The following EHMT1 variants were observed in gnomAD, a reference collection of about 807,000 sequenced individuals.
The protein encoded by EHMT1 is histone-lysine N-methyltransferase EHMT1.
A neutral mutation model predicts 147.2 loss-of-function variants in EHMT1; 15 were observed. The ratio of observed to expected loss-of-function variants is 0.10; its 90% confidence interval spans 0.07 to 0.16. EHMT1 has a LOEUF of 0.16. Among genes scored for constraint, EHMT1 ranks in the 10% least tolerant of loss-of-function variants. The pLI is 1.00. For synonymous variants in EHMT1, 795 were observed against 709.6 expected, an observed-to-expected ratio of 1.12 and a Z score of -1.91; for missense variants, 1,587 against 1,772.4, an observed-to-expected ratio of 0.90 and a Z score of 1.88.
intron 1 of EHMT1, among the ~76,000 whole-genome samples, chr9:137,657,129 C>T (rs78898763): frequency 0.023 from 3,444 of 152,216 alleles, 104 homozygotes; most frequent in African/African-American, 0.077. Flanking sequence ...ACAAAACAGA[C>T]GGAACTTGTG....
In EHMT1 at chr9:137,834,383, A is replaced by G; in HGVS notation, c.3575A>G (p.Tyr1192Cys). 1 of 1,613,106 alleles carries G rather than the reference A, an allele frequency of 6.2e-7. No homozygotes were observed. Among genetic ancestry groups the G allele is most frequent in the Non-Finnish European group, 8.5e-7 (1 of 1,179,780 alleles). ...GTTTACTGCATCGACGCGCGGTTCT[A>G]CGGGAACGTCAGCCGGTTCATCAAC... is the stretch of plus-strand genomic sequence containing the variant. ...GEVYCIDARFYGNVSRFINHH... is the reference protein window; with the variant it reads ...GEVYCIDARFCGNVSRFINHH... The change falls in exon 26 of 27, where the codon TAC (tyrosine) becomes TGC (cysteine). Residue 1192 changes from tyrosine (Y) to cysteine (C), a missense_variant. Around this residue, in one of 7 missense-constraint regions of EHMT1, gnomAD observed 156 missense variants for 252.5 expected, o/e 0.62. Coordinates refer to ENST00000460843, the MANE Select transcript of EHMT1 (RefSeq NM_024757.5).
chr9:137,809,209 A>G (rs1954204652), intron 18 of EHMT1, among the ~76,000 whole-genome samples: 1 of 152,210 alleles, frequency 6.6e-6, no homozygotes, highest in Admixed American at 6.5e-5. Context: ...TTGTGGATGA[A>G]GATGCTGGAG....
intron 2 of EHMT1, among the ~76,000 whole-genome samples, chr9:137,714,111 A>C (rs1291509070): frequency 1.3e-5 from 2 of 152,118 alleles, no homozygotes; most frequent in African/African-American, 4.8e-5. Context: ...CTTCCATTCC[A>C]ATCTGCATTC....
At chr9:137,795,347 C>G (rs1952817437) in intron 16 of EHMT1, among the ~76,000 whole-genome samples, 1 of 151,596 alleles carries the variant, frequency 6.6e-6, no homozygotes. Flanking sequence ...CCTGGCAACT[C>G]AGGTCACCTG....
intron 1 of EHMT1, among the ~76,000 whole-genome samples, chr9:137,664,288 C>CTT (rs796427218): frequency 2.8e-5 from 4 of 142,232 alleles, no homozygotes; most frequent in Non-Finnish European, 4.6e-5. Flanking sequence ...TTTAGCCATA[C>CTT]TTTTTTTTTT....
intron 1 of EHMT1, among the ~76,000 whole-genome samples, chr9:137,633,542 T>C (rs1420735447): frequency 6.6e-6 from 1 of 152,206 alleles, no homozygotes; most frequent in East Asian, 1.9e-4. Flanking sequence ...CAGGAGCAGA[T>C]GATTTATTTT....
At chr9:137,669,318 G>A (rs1195651549) in intron 1 of EHMT1, among the ~76,000 whole-genome samples, 1 of 141,948 alleles carries the variant, frequency 7.0e-6, no homozygotes, top group South Asian at 2.3e-4. Flanking sequence ...CCCCTGGAAA[G>A]ACGCCCCCAC....
At chr9:137,755,187 C>T (rs1949287184) in intron 8 of EHMT1, among the ~76,000 whole-genome samples, 1 of 152,212 alleles carries the variant, frequency 6.6e-6, no homozygotes, top group Non-Finnish European at 1.5e-5. Context: ...TGATCAGTGC[C>T]ATGAGCTCCT....
At position 137,787,558 on chromosome 9, in the gene EHMT1, CCTGGTGTTTCGAGGCTGCTGT is replaced by C. The variant is rs1394757698; in HGVS notation, c.2383-3289_2383-3269del. 2 of 440,440 alleles carry C rather than the reference CCTGGTGTTTCGAGGCTGCTGT, an allele frequency of 4.5e-6. No individual in the cohort carries two copies. Among genetic ancestry groups the C allele is most frequent in the Non-Finnish European group, 4.2e-6 (1 of 239,926 alleles). 27.3% of individuals were successfully genotyped at this position (440,440 alleles called of 1,614,324 possible). ...CCATGGACTCCCAGCAAGGCTGCTG[CCTGGTGTTTCGAGGCTGCTGT>C]GGTCGCAGACAACCGCCTCGCCTTG... On this transcript the variant is annotated intron_variant, in intron 15 of 26. Coordinates refer to ENST00000460843, the MANE Select transcript of EHMT1 (RefSeq NM_024757.5). This position sits in a 1 kb window ranked among gnomAD's most constrained non-coding sequence, Gnocchi z 4.2.
intron 3 of EHMT1, among the ~76,000 whole-genome samples, chr9:137,727,658 C>T (rs1260114017): frequency 6.6e-6 from 1 of 152,186 alleles, no homozygotes; most frequent in Non-Finnish European, 1.5e-5. Context: ...TGAAGTTAAA[C>T]TATCACAGGT....
chr9:137,742,884 A>ACTGGC (rs1948224378), intron 4 of EHMT1: 1 of 221,192 alleles, frequency 4.5e-6, no homozygotes, highest in Admixed American at 5.3e-5. Context: ...TCCTAGGAAG[A>ACTGGC]CTGGCCTGGC....
chr9:137,728,307 C>G (rs370724576), intron 3 of EHMT1, 42 bp from the exon 4 acceptor site: 2 of 1,613,494 alleles, frequency 1.2e-6, no homozygotes, highest in Non-Finnish European at 1.7e-6. Flanking sequence ...CAGTGACCAC[C>G]TGCTTATGCA....
At position 137,817,239 on chromosome 9, in the gene EHMT1, T is replaced by C. The variant is rs1954990630; in HGVS notation, c.3375-200T>C. 4.6e-6 allele frequency: 3 copies of C among 653,820 alleles called. No homozygotes were observed. The East Asian group carries it at 8.3e-5, about 18-fold the overall frequency. The allele number at this position is 653,820 out of a possible 1,614,324, so 40.5% of individuals were successfully genotyped here. ...TTGCCGAGGTTGTGGGCTGGGGTGC[T>C]CCTGGCTGATCCCCGGGTTCTTGGC... On this transcript the variant is annotated intron_variant, in intron 23 of 26. Transcript: ENST00000460843.
Position 137,675,731 on chromosome 9 carries a change from C to T in EHMT1, c.22-35236C>T, listed in dbSNP as rs1941208915. On this transcript the variant is annotated intron_variant, in intron 1 of 26. Transcript: ENST00000460843. ...GGTTCAAGCGATTCTCCTGCCTCAG[C>T]CTCCTAAGTAGCTAGGATTACAGGC... 2.0e-5 allele frequency among the ~76,000 whole-genome samples: 3 copies of T among 149,528 alleles called. No homozygotes were observed. In the South Asian group the frequency reaches 6.3e-4, roughly 32 times the overall value.
chr9:137,768,114 C>T (rs1033815135), intron 10 of EHMT1, among the ~76,000 whole-genome samples: 1 of 152,122 alleles, frequency 6.6e-6, no homozygotes, highest in Admixed American at 6.5e-5. Flanking sequence ...CATTTAGGCT[C>T]ATGCAAGTAC....
At chr9:137,675,802 T>TA (rs1941227607) in intron 1 of EHMT1, among the ~76,000 whole-genome samples, 2 of 104,720 alleles carry the variant, frequency 1.9e-5, no homozygotes, top group East Asian at 2.7e-4. Flanking sequence ...TTTTTTTTTT[T>TA]AGACGGAGTC....
intron 1 of EHMT1, among the ~76,000 whole-genome samples, chr9:137,665,727 G>A (rs1939568689): frequency 6.6e-6 from 1 of 152,206 alleles, no homozygotes; most frequent in African/African-American, 2.4e-5. Context: ...GACCCTTCAC[G>A]TTTTAGGGTG....
chr9:137,709,590 A>C (rs1021374494), intron 1 of EHMT1, among the ~76,000 whole-genome samples: 8 of 152,102 alleles, frequency 5.3e-5, no homozygotes, highest in African/African-American at 1.9e-4. Context: ...CTTTGTGGGG[A>C]GGAGGGGTTC....
At chr9:137,768,791 C>T (rs1950409632) in intron 10 of EHMT1, among the ~76,000 whole-genome samples, 1 of 151,488 alleles carries the variant, frequency 6.6e-6, no homozygotes, top group African/African-American at 2.4e-5. Context: ...ACCTCGTGAT[C>T]CGCCCGCCTC....
Sources: allele counts gnomAD v4.1 joint callset (sites outside exome capture counted in the v4.1 genomes callset), GRCh38; gene constraint gnomAD v4.1.1; regional missense constraint gnomAD v4.1.1; non-coding constraint Gnocchi (gnomAD v3.1); transcripts MANE v1.5; gene names NCBI Gene and HGNC (gene_info 2026-07-23, HGNC 2026-07-21).